DMBT1: variants seen among roughly 807,000 people sequenced by gnomAD.
DMBT1 encodes scavenger receptor cysteine-rich domain-containing protein DMBT1.
Under a neutral mutation model 252.9 loss-of-function variants are expected in DMBT1, and 198 were observed. The observed-to-expected ratio is 0.78, with a 90% CI of 0.70 to 0.88. DMBT1 has a LOEUF of 0.88. Among genes scored for constraint, DMBT1 ranks in the 40% least tolerant of loss-of-function variants. The probability of loss-of-function intolerance (pLI) is 0.00; values close to 1 mark genes in which losing one functional copy is unlikely to be tolerated. For missense variants in DMBT1, 2,432 were observed against 2,404.7 expected, an observed-to-expected ratio of 1.01 and a Z score of -0.24; for synonymous variants, 990 against 942.7, an observed-to-expected ratio of 1.05 and a Z score of -0.92.
chr10:122,599,401 G>A (rs151333304), intron 26 of DMBT1, among the ~76,000 whole-genome samples: 5 of 152,146 alleles, frequency 3.3e-5, no homozygotes, highest in African/African-American at 7.2e-5. Context: ...TGAGTAGCAC[G>A]GTGTGAGGGT....
At chr10:122,571,919 T>A (rs1356118160) in intron 4 of DMBT1, among the ~76,000 whole-genome samples, 2 of 152,234 alleles carry the variant, frequency 1.3e-5, no homozygotes, top group Non-Finnish European at 2.9e-5. Flanking sequence ...ACCATCTTTC[T>A]TGTTGTACCA....
chr10:122,580,152 A>G (rs1291259893), intron 10 of DMBT1, among the ~76,000 whole-genome samples: 2 of 152,112 alleles, frequency 1.3e-5, no homozygotes, highest in African/African-American at 4.8e-5. Flanking sequence ...GAGGCAGAAG[A>G]GAAAAGTGCC....
At chr10:122,567,170 G>T (rs2097602183) in intron 2 of DMBT1, among the ~76,000 whole-genome samples, 1 of 152,240 alleles carries the variant, frequency 6.6e-6, no homozygotes, top group Non-Finnish European at 1.5e-5. Context: ...GCCTGGGAAA[G>T]GCAGATTTCT....
chr10:122,636,188 A>G lies in DMBT1; in HGVS notation c.6746A>G (p.Asn2249Ser). 1 of 1,613,184 alleles carries G rather than the reference A, an allele frequency of 6.2e-7. No homozygotes were observed. The part of the protein sequence containing the change: ...FRAEYYSSPS[N>S]DSTNLLCLPN... The stretch of plus-strand genomic sequence containing the variant: ...GCTGAGTACTACTCCAGTCCCTCCA[A>G]TGACAGCACCAGTAAGTCCCCTTGT... The change falls in exon 53 of 56, where the codon AAT becomes AGT. Residue 2249 changes from asparagine to serine, a missense_variant. This residue lies in a region of DMBT1 where 1,162 missense variants were observed against 1,169.0 expected (regional missense o/e 0.99). Transcript: ENST00000338354.
intron 17 of DMBT1, among the ~76,000 whole-genome samples, chr10:122,589,646 A>G (rs960181892): frequency 5.4e-5 from 8 of 148,388 alleles, no homozygotes; most frequent in African/African-American, 1.9e-4. Flanking sequence ...GGAGCGTGGT[A>G]TCTGCTTGGC....
chr10:122,638,802 C>T (rs1046075105), intron 54 of DMBT1, among the ~76,000 whole-genome samples: 31 of 152,304 alleles, frequency 2.0e-4, no homozygotes, highest in African/African-American at 7.2e-4. Context: ...AGGGGCAGGG[C>T]CAATGTTTTG....
chr10:122,629,721 A>T (rs1024444586), intron 46 of DMBT1, 119 bp from the exon 47 acceptor site: 4 of 1,244,210 alleles, frequency 3.2e-6, no homozygotes, highest in African/African-American at 1.5e-5. Flanking sequence ...TTACAGGGAA[A>T]GTTAAGTCTT....
At chr10:122,639,737 T>C (rs772107190) in intron 54 of DMBT1, among the ~76,000 whole-genome samples, 5 of 152,144 alleles carry the variant, frequency 3.3e-5, no homozygotes, top group Non-Finnish European at 7.3e-5. Context: ...GGCACTGAAA[T>C]ATAAAGCAAA....
intron 52 of DMBT1, among the ~76,000 whole-genome samples, chr10:122,634,372 C>CTTTCTTTCTTTCTTTCTTTCTT (rs1566002867): frequency 7.8e-6 from 1 of 127,514 alleles, no homozygotes; most frequent in African/African-American, 3.0e-5. Context: ...TTCTTTCTTT[C>CTTTCTTTCTTTCTTTCTTTCTT]TTTCTTTCTT....
At chr10:122,624,630 A>G (rs2098101825) in intron 44 of DMBT1, among the ~76,000 whole-genome samples, 1 of 152,186 alleles carries the variant, frequency 6.6e-6, no homozygotes, top group African/African-American at 2.4e-5. Flanking sequence ...GGCACCGTGT[A>G]TGATGACACC....
At chr10:122,597,703 T>G (rs923029480) in intron 24 of DMBT1, among the ~76,000 whole-genome samples, 1 of 152,170 alleles carries the variant, frequency 6.6e-6, no homozygotes, top group Admixed American at 6.5e-5. Context: ...CGTCAGTGCA[T>G]GTGTCAGTGC....
intron 20 of DMBT1, among the ~76,000 whole-genome samples, chr10:122,592,959 T>C (rs1241972566): frequency 2.7e-5 from 4 of 148,690 alleles, no homozygotes; most frequent in African/African-American, 9.7e-5. Flanking sequence ...GGAGGAATCC[T>C]CTCACTGAGA....
chr10:122,577,201 GACA>G (rs1298957467), intron 7 of DMBT1, among the ~76,000 whole-genome samples: 1 of 152,226 alleles, frequency 6.6e-6, no homozygotes, highest in Non-Finnish European at 1.5e-5. Context: ...CCTTCTCAGG[GACA>G]GCACGTTTTG....
intron 17 of DMBT1, 46 bp downstream of exon 17, chr10:122,589,313 C>A: frequency 6.3e-7 from 1 of 1,585,624 alleles, no homozygotes; most frequent in South Asian, 1.2e-5. Context: ...GTAGATTTTG[C>A]CCAGGAAGAG....
At chr10:122,633,070 G>T in intron 51 of DMBT1, 121 bp from the exon 52 acceptor site, 1 of 1,493,788 alleles carries the variant, frequency 6.7e-7, no homozygotes, top group South Asian at 1.3e-5. Flanking sequence ...GCTCTTACTT[G>T]GTTTCTGTCT....
At position 122,618,107 on chromosome 10, in the gene DMBT1, C is replaced by A; in HGVS notation, c.4982C>A (p.Thr1661Asn). Residue 1661 changes from threonine (T) to asparagine (N), a missense_variant, in exon 41 of 56, where the codon ACC (threonine) becomes AAC (asparagine). By Grantham distance (65) the Thr-to-Asn change is moderately conservative. This residue lies in a region of DMBT1 where 1,162 missense variants were observed against 1,169.0 expected (regional missense o/e 0.99). Transcript: ENST00000338354. ...VEVLYQGSWG[T>N]VCDDYWDTND... ...GTCCTATACCAAGGCTCCTGGGGCACCGTGTGTGATGACTACTGGGACACC... is the reference window on the plus strand; with the variant it reads ...GTCCTATACCAAGGCTCCTGGGGCAACGTGTGTGATGACTACTGGGACACC... The A allele has an allele frequency of 6.2e-7, 1 of 1,613,902 alleles. No individual in the cohort carries two copies. The highest frequency in any genetic ancestry group is 8.5e-7 in the Non-Finnish European group (1 of 1,179,866).
At chr10:122,633,036 C>A (rs1053640678) in intron 51 of DMBT1, 146 bp downstream of exon 51, 1 of 1,492,250 alleles carries the variant, frequency 6.7e-7, no homozygotes. Context: ...CCTCAGTGGA[C>A]GGTCCAGATC....
intron 44 of DMBT1, 148 bp from the exon 45 acceptor site, chr10:122,625,129 C>T (rs903492646): frequency 4.2e-5 from 32 of 753,918 alleles, no homozygotes; most frequent in South Asian, 2.1e-4. Context: ...TGAGACTAAC[C>T]GTTAAGGTTT....
At chr10:122,585,601 A>T (rs576773691) in intron 15 of DMBT1, among the ~76,000 whole-genome samples, 7 of 148,712 alleles carry the variant, frequency 4.7e-5, no homozygotes, top group African/African-American at 1.7e-4. Flanking sequence ...CTAAGACCTC[A>T]TTCCTGTCCC....
Sources: allele counts gnomAD v4.1 joint callset (sites outside exome capture counted in the v4.1 genomes callset), GRCh38; gene constraint gnomAD v4.1.1; regional missense constraint gnomAD v4.1.1; transcripts MANE v1.5; gene names NCBI Gene and HGNC (gene_info 2026-07-23, HGNC 2026-07-21).